Variants in ZNF888 observed in about 807,000 individuals in gnomAD.
ZNF888 encodes the protein zinc finger protein 888.
ZNF888 carries 5 observed loss-of-function variants against 7.2 expected under a neutral mutation model. That is an observed-to-expected ratio of 0.70 (90% confidence interval 0.36 to 1.46). The LOEUF is 1.46. Ranked by LOEUF, ZNF888 falls within the 40% of genes most tolerant of loss-of-function variation. ZNF888 has a pLI of 0.03. For missense variants in ZNF888, 716 were observed against 858.0 expected, an observed-to-expected ratio of 0.83 and a Z score of 2.07; for synonymous variants, 240 against 284.3, an observed-to-expected ratio of 0.84 and a Z score of 1.57.
intron 4 of ZNF888, among the ~76,000 whole-genome samples, chr19:52,913,020 T>C (rs1357518009): frequency 3.9e-5 from 6 of 152,088 alleles, no homozygotes; most frequent in East Asian, 1.9e-4. Flanking sequence ...GGCAGGAGAA[T>C]TGCTTGAACC....
intron 4 of ZNF888, among the ~76,000 whole-genome samples, chr19:52,910,603 T>G (rs2064666741): frequency 6.6e-6 from 1 of 152,172 alleles, no homozygotes; most frequent in South Asian, 2.1e-4. Context: ...ATACTAAAAG[T>G]GCATTTATAA....
At position 52,920,305 on chromosome 19, in the gene ZNF888, G is replaced by A. The variant is rs1439766926; in HGVS notation, c.-177-1368C>T. On this transcript the variant is annotated intron_variant, in intron 1 of 4. Coordinates refer to ENST00000638862, the MANE Select transcript of ZNF888 (RefSeq NM_001393938.1). ...GGGTGGTTGCCGGGTCTGTGTGGAT[G>A]GAAGTAGACATGGGAGACTTTTCAT... Among the ~76,000 whole-genome samples the A allele has an allele frequency of 4.7e-4, 30 of 63,578 alleles. 9 individuals carry two copies. The highest frequency in any genetic ancestry group is 1.5e-3 in the African/African-American group (30 of 19,602). The allele number at this position is 63,578 out of a possible 152,430, so 41.7% of individuals were successfully genotyped here. A position where few individuals can be genotyped will look rare whatever the true frequency, so the allele number is the denominator to read the frequency against.
chr19:52,906,156 A>G lies in ZNF888; in HGVS notation c.*9T>C, dbSNP rs1275747632. ...TAGCGTTACTGAAGACTTGGTGACAATCATTACATTAGTCAAGTTTCCCTA... is the reference window on the plus strand; with the variant it reads ...TAGCGTTACTGAAGACTTGGTGACAGTCATTACATTAGTCAAGTTTCCCTA... On this transcript the variant is annotated 3_prime_UTR_variant, in exon 5 of 5. Transcript: ENST00000638862. 7.4e-6 allele frequency: 12 copies of G among 1,612,960 alleles called. No homozygotes were observed. The highest frequency in any genetic ancestry group is 1.0e-5 in the Non-Finnish European group (12 of 1,179,438).
chr19:52,909,144 CAAAAAA>C (rs10636278), intron 4 of ZNF888, among the ~76,000 whole-genome samples: 1 of 142,946 alleles, frequency 7.0e-6, no homozygotes, highest in South Asian at 2.2e-4. Flanking sequence ...GACTCCATCT[CAAAAAA>C]AAAAGAAAAT....
At position 52,910,149 on chromosome 19, in the gene ZNF888, CA is replaced by C. The variant is rs71335690; in HGVS notation, c.143-1971del. ...TGGGGACTAGAGCGAGACTTCGTCT[CA>C]AAAAAAAAAAAAAAAAAAAAAAAAA... On this transcript the variant is annotated intron_variant, in intron 4 of 4. Coordinates refer to ENST00000638862, the MANE Select transcript of ZNF888 (RefSeq NM_001393938.1). Among the ~76,000 whole-genome samples, 672 of 83,642 alleles carry C rather than the reference CA, an allele frequency of 8.0e-3. 1 individual carries two copies. The highest frequency in any genetic ancestry group is 0.016 in the African/African-American group (484 of 30,072). The allele number at this position is 83,642 out of a possible 152,430, so 54.9% of individuals were successfully genotyped here. A position where few individuals can be genotyped will look rare whatever the true frequency, so the allele number is the denominator to read the frequency against.
At chr19:52,915,062 T>C in intron 4 of ZNF888, 134 bp downstream of exon 4, 2 of 1,390,000 alleles carry the variant, frequency 1.4e-6, no homozygotes, top group Non-Finnish European at 1.9e-6. Flanking sequence ...GTCCAGATGC[T>C]ACATCATGAA....
At position 52,907,984 on chromosome 19, in the gene ZNF888, G is replaced by T; in HGVS notation, c.338C>A (p.Thr113Lys). ...ACTACCCGTCAACTCTTTGATTTCTGTCATGGGTGCTTCATGGCCATTTGT... is the reference window on the plus strand; with the variant it reads ...ACTACCCGTCAACTCTTTGATTTCTTTCATGGGTGCTTCATGGCCATTTGT... ...DETNGHEAPM[T>K]EIKELTGSTD... The change falls in exon 5 of 5, where the codon ACA becomes AAA. Residue 113 changes from threonine (T) to lysine (K), a missense_variant. By Grantham distance (78) the Thr-to-Lys change is moderately conservative (BLOSUM62 -1). This residue lies in a region of ZNF888 where 697 missense variants were observed against 803.4 expected (regional missense o/e 0.87). Coordinates refer to ENST00000638862, the MANE Select transcript of ZNF888 (RefSeq NM_001393938.1). 6.2e-7 allele frequency: 1 copy of T among 1,614,054 alleles called. No homozygotes were observed. The highest frequency in any genetic ancestry group is 8.5e-7 in the Non-Finnish European group (1 of 1,179,990).
rs2870128 is a variant in ZNF888 at position 52,907,120 on chromosome 19, A to G, written c.1202T>C (p.Ile401Thr). The G allele has an allele frequency of 0.26, 418,408 of 1,606,712 alleles. 65,718 individuals are homozygous for G. Among genetic ancestry groups the G allele is most frequent in the African/African-American group, 0.7 (51,955 of 74,218 alleles). ...FRHDSHLAQH[I>T]VIHTREKPYK... ...AGGTTTCTCTCTAGTGTGAATTACA[A>G]TATGCTGTGCCAGGTGTGAATCATG... The change falls in exon 5 of 5, where the codon ATT becomes ACT. Residue 401 changes from isoleucine to threonine, a missense_variant. By Grantham distance (89) the Ile-to-Thr change is moderately conservative (BLOSUM62 -1). This residue lies in a region of ZNF888 where 697 missense variants were observed against 803.4 expected (regional missense o/e 0.87). Transcript: ENST00000638862.
chr19:52,907,958 T>C lies in ZNF888; in HGVS notation c.364A>G (p.Thr122Ala). 6 of 1,614,168 alleles carry C rather than the reference T, an allele frequency of 3.7e-6. No homozygotes were observed. The highest frequency in any genetic ancestry group is 4.2e-6 in the Non-Finnish European group (5 of 1,180,024). ...MTEIKELTGSTDQYDQRHAGN... is the reference protein window; with the variant it reads ...MTEIKELTGSADQYDQRHAGN... ...GCATGCCTTTGATCATATTGGTCTG[T>C]ACTACCCGTCAACTCTTTGATTTCT... Residue 122 changes from threonine (T) to alanine (A), a missense_variant, in exon 5 of 5, where the codon ACA (threonine) becomes GCA (alanine). Physicochemically the swap from Thr to Ala is moderately conservative, Grantham distance 58. Transcript: ENST00000638862.
intron 1 of ZNF888, chr19:52,921,659 AAC>A (rs1197477128): frequency 3.0e-6 from 3 of 984,760 alleles, no homozygotes; most frequent in Non-Finnish European, 3.6e-6. Flanking sequence ...CAAAAGTGTA[AAC>A]ACACAGCTAT....
At chr19:52,916,566 TATAC>T (rs2064751191) in intron 3 of ZNF888, among the ~76,000 whole-genome samples, 1 of 149,216 alleles carries the variant, frequency 6.7e-6, no homozygotes, top group Admixed American at 6.7e-5. Flanking sequence ...ATATATATTA[TATAC>T]ATACATACAC....
chr19:52,923,243 C>G, intron 1 of ZNF888, 126 bp downstream of exon 1: 2 of 960,710 alleles, frequency 2.1e-6, no homozygotes, highest in Non-Finnish European at 2.5e-6. Flanking sequence ...AGGGGAATGT[C>G]TCCATTTGCT....
chr19:52,905,653 C>T lies in ZNF888; in HGVS notation c.*512G>A. The stretch of plus-strand genomic sequence containing the variant: ...ATAAACACTTTAATGTCAATTAATG[C>T]TTGAACTCAACGTTAAGTCAACTCA... On this transcript the variant is annotated 3_prime_UTR_variant, in exon 5 of 5. Coordinates refer to ENST00000638862, the MANE Select transcript of ZNF888 (RefSeq NM_001393938.1). 1 of 401,494 alleles carries T rather than the reference C, an allele frequency of 2.5e-6. No individual in the cohort carries two copies. Among genetic ancestry groups the T allele is most frequent in the East Asian group, 6.6e-5 (1 of 15,068 alleles). The allele number at this position is 401,494 out of a possible 1,614,324, so 24.9% of individuals were successfully genotyped here.
chr19:52,909,392 C>T (rs1003597371), intron 4 of ZNF888, among the ~76,000 whole-genome samples: 3 of 151,688 alleles, frequency 2.0e-5, no homozygotes, highest in Admixed American at 6.6e-5. Context: ...GGATTACAGG[C>T]ACACACCACC....
In ZNF888 at chr19:52,907,429, T is replaced by C; in HGVS notation, c.893A>G (p.Tyr298Cys). 1 of 1,611,730 alleles carries C rather than the reference T, an allele frequency of 6.2e-7. No homozygotes were observed. Reference protein sequence around the residue: ...HYRRHTGEKPYKCNECGKTFS... With the variant: ...HYRRHTGEKPCKCNECGKTFS... ...CGTCTTGCCACACTCATTACACTTG[T>C]AAGGTTTTTCTCCAGTATGACGTCT... The change falls in exon 5 of 5, where the codon TAC (tyrosine) becomes TGC (cysteine). Residue 298 changes from tyrosine (Y) to cysteine (C), a missense_variant. Transcript: ENST00000638862.
Position 52,919,303 on chromosome 19 carries a change from G to T in ZNF888, c.-177-366C>A, listed in dbSNP as rs1264539973. Among the ~76,000 whole-genome samples, 2 of 60,336 alleles carry T rather than the reference G, an allele frequency of 3.3e-5. 1 individual carries two copies. The highest frequency in any genetic ancestry group is 1.1e-3 in the South Asian group (2 of 1,772). The allele number at this position is 60,336 out of a possible 152,430, so 39.6% of individuals were successfully genotyped here. On this transcript the variant is annotated intron_variant, in intron 1 of 4. Transcript: ENST00000638862. The stretch of plus-strand genomic sequence containing the variant: ...CTGCCTCAGCCTGCCGAGCGCCTGC[G>T]ATTGCGGGCGCGCGCCGCCACGCCT...
intron 1 of ZNF888, among the ~76,000 whole-genome samples, chr19:52,919,550 C>T (rs183195545): frequency 0.034 from 2,458 of 71,830 alleles, 1,022 homozygotes; most frequent in Non-Finnish European, 0.058. Context: ...CCCCAAAGTG[C>T]CGAGATTGCA....
At chr19:52,920,489 C>CAAAAAAAAAAAAAAAAAAAAAAAA (rs1191621530) in intron 1 of ZNF888, among the ~76,000 whole-genome samples, 1 of 6,870 alleles carries the variant, frequency 1.5e-4, no homozygotes, top group Non-Finnish European at 3.1e-4. Context: ...TGCTTGAAGG[C>CAAAAAAAAAAAAAAAAAAAAAAAA]AAAAAAAAAA....
intron 1 of ZNF888, among the ~76,000 whole-genome samples, chr19:52,923,020 G>A (rs1308069314): frequency 6.6e-6 from 1 of 152,156 alleles, no homozygotes; most frequent in Non-Finnish European, 1.5e-5. Flanking sequence ...GGGCTCCAGG[G>A]GCCGACGAGG....
Sources: gnomAD v4.1 joint callset for allele counts (sites outside exome capture counted in the v4.1 genomes callset) on GRCh38, gnomAD v4.1.1 for gene constraint, gnomAD v4.1.1 regional missense constraint, MANE v1.5 for transcripts, NCBI Gene and HGNC (gene_info 2026-07-23, HGNC 2026-07-21) for gene names.